The following EIF4ENIF1 variants were observed in gnomAD, a reference collection of about 807,000 sequenced individuals.
EIF4ENIF1 encodes eukaryotic translation initiation factor 4E transporter.
Under a neutral mutation model 110.5 loss-of-function variants are expected in EIF4ENIF1, and 23 were observed. That is an observed-to-expected ratio of 0.21 (90% CI 0.15 to 0.29). EIF4ENIF1 has a LOEUF of 0.29. EIF4ENIF1 is among the 10% of genes least tolerant of loss of function. EIF4ENIF1 has a pLI of 1.00. For missense variants in EIF4ENIF1, 1,031 were observed against 1,221.1 expected (o/e 0.84, Z 2.32); for synonymous variants, 440 against 437.0 (o/e 1.01, Z -0.09).
chr22:31,483,745 C>G (rs2051915730), intron 2 of EIF4ENIF1, among the ~76,000 whole-genome samples: 1 of 152,094 alleles, frequency 6.6e-6, no homozygotes, highest in Non-Finnish European at 1.5e-5. Flanking sequence ...TCAGGTGAGA[C>G]CCCACTCTAT....
intron 10 of EIF4ENIF1, chr22:31,453,407 C>T (rs1049088195): frequency 8.8e-5 from 34 of 384,942 alleles, no homozygotes; most frequent in Non-Finnish European, 1.5e-4. Context: ...GACAGTCTCA[C>T]TCTGTTGCCC....
intron 7 of EIF4ENIF1, among the ~76,000 whole-genome samples, chr22:31,456,490 T>C (rs898676773): frequency 6.6e-6 from 1 of 152,062 alleles, no homozygotes; most frequent in Non-Finnish European, 1.5e-5. Context: ...CCCAAAGTGC[T>C]GGGATTACAA....
chr22:31,477,110 A>C, intron 2 of EIF4ENIF1, among the ~76,000 whole-genome samples: 1 of 150,496 alleles, frequency 6.6e-6, no homozygotes, highest in Non-Finnish European at 1.5e-5. Context: ...GTGACAGAAA[A>C]CCTGTCTCAA....
intron 7 of EIF4ENIF1, among the ~76,000 whole-genome samples, chr22:31,457,526 G>A (rs530043214): frequency 1.3e-5 from 2 of 152,206 alleles, no homozygotes; most frequent in African/African-American, 2.4e-5. Flanking sequence ...CAGAAAACAT[G>A]CTTTTTCAAA....
intron 4 of EIF4ENIF1, 65 bp downstream of exon 4, chr22:31,468,110 A>G: frequency 6.3e-7 from 1 of 1,579,160 alleles, no homozygotes. Flanking sequence ...GCTAAGAATG[A>G]AACCAGCAGG....
At chr22:31,457,893 A>G (rs538593685) in intron 7 of EIF4ENIF1, among the ~76,000 whole-genome samples, 7 of 152,308 alleles carry the variant, frequency 4.6e-5, no homozygotes, top group Admixed American at 4.6e-4. Flanking sequence ...TGGGGAGTGT[A>G]TCCAAAATAT....
Position 31,441,917 on chromosome 22 carries a change from G to A in EIF4ENIF1, c.2408C>T (p.Pro803Leu), listed in dbSNP as rs1287395059. 4 of 1,614,174 alleles carry A rather than the reference G, an allele frequency of 2.5e-6. No individual in the cohort carries two copies. Among genetic ancestry groups the A allele is most frequent in the Non-Finnish European group, 3.4e-6 (4 of 1,180,030 alleles). The change falls in exon 17 of 19, where the codon CCT becomes CTT. Residue 803 changes from proline (P) to leucine (L), a missense_variant. Around this residue, in one of 3 missense-constraint regions of EIF4ENIF1, gnomAD observed 309 missense variants for 299.1 expected, o/e 1.03. Coordinates refer to ENST00000330125, the MANE Select transcript of EIF4ENIF1 (RefSeq NM_019843.4). ...PTLASPVPTT[P>L]FLRPVHQVPL... is the part of the protein sequence containing the mutation. ...AACTTGGTGGACAGGGCGGAGAAAA[G>A]GTGTTGTAGGAACTGGGGATGCCAA... is the stretch of plus-strand genomic sequence containing the variant.
In EIF4ENIF1 at chr22:31,445,959, C is replaced by A. The variant is rs936885390; in HGVS notation, c.1989-1269G>T. On this transcript the variant is annotated intron_variant, in intron 14 of 18. Transcript: ENST00000330125. Reference sequence around the variant, plus strand: ...TAAAATGCAGTTACGTACCGCCCCCCCCCCCCATCTACCTCACAGGGTTGA... The same window carrying A: ...TAAAATGCAGTTACGTACCGCCCCCACCCCCCATCTACCTCACAGGGTTGA... 2.7e-5 allele frequency among the ~76,000 whole-genome samples: 4 copies of A among 147,898 alleles called. 1 individual carries two copies. Among genetic ancestry groups the A allele is most frequent in the African/African-American group, 5.0e-5 (2 of 40,182 alleles).
At chr22:31,488,540 C>T in intron 2 of EIF4ENIF1, 83 bp downstream of exon 2, 2 of 1,567,372 alleles carry the variant, frequency 1.3e-6, no homozygotes, top group Non-Finnish European at 1.7e-6. Context: ...GAGATTACCA[C>T]TTAATAGGAA....
chr22:31,476,075 T>C (rs1277401156), intron 2 of EIF4ENIF1, among the ~76,000 whole-genome samples: 1 of 152,084 alleles, frequency 6.6e-6, no homozygotes, highest in Admixed American at 6.6e-5. Flanking sequence ...AGGAAGGACC[T>C]TGCAATATAG....
chr22:31,484,015 GAAC>G (rs2051926154), intron 2 of EIF4ENIF1, among the ~76,000 whole-genome samples: 1 of 152,150 alleles, frequency 6.6e-6, no homozygotes, highest in Non-Finnish European at 1.5e-5. Context: ...GAAGCACAAT[GAAC>G]ATCATCTGAA....
At chr22:31,444,973 A>G (rs761093345) in intron 14 of EIF4ENIF1, among the ~76,000 whole-genome samples, 27 of 152,180 alleles carry the variant, frequency 1.8e-4, no homozygotes, top group Non-Finnish European at 3.2e-4. Flanking sequence ...GGCACCAACA[A>G]AGTACAATGG....
upstream of EIF4ENIF1, among the ~76,000 whole-genome samples, chr22:31,490,641 G>A (rs1311523519): frequency 6.6e-6 from 1 of 152,186 alleles, no homozygotes; most frequent in Non-Finnish European, 1.5e-5. Context: ...GACGGCGAAT[G>A]TCAAGTGCTT....
At chr22:31,438,419 G>A (rs536610473), downstream of EIF4ENIF1, among the ~76,000 whole-genome samples, 1 of 152,144 alleles carries the variant, frequency 6.6e-6, no homozygotes, top group African/African-American at 2.4e-5. Context: ...ATTAATGCAT[G>A]AGTCTTAAGG....
intron 16 of EIF4ENIF1, 76 bp from the exon 17 acceptor site, chr22:31,442,194 C>G: frequency 8.6e-7 from 1 of 1,157,094 alleles, no homozygotes; most frequent in Non-Finnish European, 1.2e-6. Flanking sequence ...TCTAATAAAT[C>G]TCATTTCTTA....
chr22:31,480,662 G>A (rs1195754340), intron 2 of EIF4ENIF1, among the ~76,000 whole-genome samples: 1 of 152,196 alleles, frequency 6.6e-6, no homozygotes, highest in Non-Finnish European at 1.5e-5. Flanking sequence ...GGCTAAGGCA[G>A]GAGAATCGCT....
intron 2 of EIF4ENIF1, among the ~76,000 whole-genome samples, chr22:31,473,099 A>G (rs559291654): frequency 2.7e-5 from 4 of 148,202 alleles, no homozygotes; most frequent in East Asian, 3.9e-4. Context: ...AGTAAATTGC[A>G]TAAGTCATGA....
intron 4 of EIF4ENIF1, among the ~76,000 whole-genome samples, chr22:31,467,141 T>C (rs2051216901): frequency 2.6e-5 from 4 of 152,196 alleles, no homozygotes; most frequent in Admixed American, 1.3e-4. Flanking sequence ...ATTTCTACTG[T>C]TGGATATTTA....
At chr22:31,443,294 T>G in intron 15 of EIF4ENIF1, 200 bp from the exon 16 acceptor site, 1 of 661,458 alleles carries the variant, frequency 1.5e-6, no homozygotes, top group Non-Finnish European at 2.4e-6. Flanking sequence ...TATCCCTTGC[T>G]TACAACTGTG....
Sources: allele counts gnomAD v4.1 joint callset (sites outside exome capture counted in the v4.1 genomes callset), GRCh38; gene constraint gnomAD v4.1.1; regional missense constraint gnomAD v4.1.1; transcripts MANE v1.5; gene names NCBI Gene and HGNC (gene_info 2026-07-23, HGNC 2026-07-21).